Variants in AMZ2 observed in about 807,000 individuals in gnomAD.
AMZ2 encodes the protein archaelysin family metallopeptidase 2.
A neutral mutation model predicts 36.7 loss-of-function variants in AMZ2; 26 were observed. The ratio of observed to expected loss-of-function variants is 0.71; its 90% CI spans 0.52 to 0.98. The LOEUF (loss-of-function observed/expected upper bound fraction) is 0.98, where lower values mean the gene tolerates loss of function less well. Ranked by LOEUF, AMZ2 falls within the 50% of genes least tolerant of loss-of-function variation. The pLI is 0.00. For missense variants in AMZ2, 394 were observed against 430.5 expected, an observed-to-expected ratio of 0.92 and a Z score of 0.75; for synonymous variants, 144 against 149.1, an observed-to-expected ratio of 0.97 and a Z score of 0.25.
intron 1 of AMZ2, among the ~76,000 whole-genome samples, chr17:68,226,275 T>C (rs1351428773): frequency 6.6e-6 from 1 of 152,096 alleles, no homozygotes; most frequent in Non-Finnish European, 1.5e-5. Context: ...ACTATGTACA[T>C]TTGACTCTGT....
At chr17:68,245,194 C>G (rs2073975450), upstream of AMZ2, among the ~76,000 whole-genome samples, 1 of 135,246 alleles carries the variant, frequency 7.4e-6, no homozygotes, top group Non-Finnish European at 1.6e-5. Context: ...TCTTTTCCTT[C>G]TAATGTAAAA....
chr17:68,210,957 A>AG lies in AMZ2; in HGVS notation c.-67+4730dup, dbSNP rs71142141. On this transcript the variant is annotated intron_variant, in intron 1 of 7. Coordinates refer to the AMZ2 transcript ENST00000674770. ...GAGTGAGACCCTGTCTCAAAAAAAAAGGGGGGGGGGGAGGTGGTTAGAGTG... is the reference window on the plus strand; with the variant it reads ...GAGTGAGACCCTGTCTCAAAAAAAAAGGGGGGGGGGGGAGGTGGTTAGAGTG... Among the ~76,000 whole-genome samples the AG allele has an allele frequency of 3.5e-3, 418 of 117,824 alleles. 2 individuals are homozygous for AG. Among genetic ancestry groups the AG allele is most frequent in the African/African-American group, 7.2e-3 (216 of 29,824 alleles). 77.3% of individuals were successfully genotyped at this position (117,824 alleles called of 152,430 possible).
intron 1 of AMZ2, among the ~76,000 whole-genome samples, chr17:68,221,217 C>A (rs1290485067): frequency 1.1e-5 from 1 of 93,344 alleles, no homozygotes; most frequent in South Asian, 5.3e-4. Context: ...GCTCCCCCCC[C>A]CGCCCCCCCG....
At chr17:68,219,676 TA>T (rs1457450418) in intron 1 of AMZ2, among the ~76,000 whole-genome samples, 1 of 150,728 alleles carries the variant, frequency 6.6e-6, no homozygotes, top group Non-Finnish European at 1.5e-5. Context: ...GGACCACAGT[TA>T]CGCACCACCA....
At chr17:68,251,943 A>C (rs1231933470) in intron 4 of AMZ2, among the ~76,000 whole-genome samples, 1 of 152,170 alleles carries the variant, frequency 6.6e-6, no homozygotes, top group South Asian at 2.1e-4. Context: ...GATATGTAAT[A>C]AACCTTGACT....
In AMZ2 at chr17:68,226,421, T is replaced by C. The variant is rs374120913; in HGVS notation, c.-67+20183T>C. Among the ~76,000 whole-genome samples, 40 of 152,306 alleles carry C rather than the reference T, an allele frequency of 2.6e-4. No homozygotes were observed. The East Asian group carries it at 3.5e-3, about 13-fold the overall frequency. Reference sequence around the variant, plus strand: ...AGGCTGCTCTGGCAACAGGTTCTTCTCTCCTGCCCCCCAGCCCCTGCGTCT... The same window carrying C: ...AGGCTGCTCTGGCAACAGGTTCTTCCCTCCTGCCCCCCAGCCCCTGCGTCT... On this transcript the variant is annotated intron_variant, in intron 1 of 7. Coordinates refer to the AMZ2 transcript ENST00000674770.
intron 1 of AMZ2, among the ~76,000 whole-genome samples, chr17:68,226,560 A>C (rs1183671186): frequency 6.6e-6 from 1 of 152,186 alleles, no homozygotes; most frequent in Non-Finnish European, 1.5e-5. Context: ...CCTGTCAGCC[A>C]ATGGACCTAT....
chr17:68,213,876 G>A (rs1274249189), intron 1 of AMZ2, among the ~76,000 whole-genome samples: 3 of 151,578 alleles, frequency 2.0e-5, no homozygotes, highest in Non-Finnish European at 2.9e-5. Context: ...TATCTTGGTC[G>A]TCCAACCCTA....
intron 1 of AMZ2, among the ~76,000 whole-genome samples, chr17:68,211,740 G>GTATATGTATATATATGTATATGTATA (rs2073057767): frequency 8.0e-6 from 1 of 124,268 alleles, no homozygotes; most frequent in African/African-American, 3.5e-5. Context: ...GTATATATGT[G>GTATATGTATATATATGTATATGTATA]TATATGTATA....
chr17:68,224,904 G>A (rs7216982), intron 1 of AMZ2, among the ~76,000 whole-genome samples: 49,623 of 151,394 alleles, frequency 0.33, 8,648 homozygotes, highest in African/African-American at 0.45. Context: ...CAGGCTGGGC[G>A]TGGTGGCTCA....
chr17:68,248,207 G>A lies in AMZ2; in HGVS notation c.-499G>A, dbSNP rs2074149321. ...GGGGGCCGGTCGCGGTCGGTGGAGC[G>A]GGATGAGGATGTAGGAGGGGCGGAC... On this transcript the variant is annotated 5_prime_UTR_variant, in exon 1 of 7. Transcript: ENST00000359904. 2.0e-6 allele frequency: 2 copies of A among 986,268 alleles called. No individual in the cohort carries two copies. The highest frequency in any genetic ancestry group is 1.2e-6 in the Non-Finnish European group (1 of 830,554). The allele number at this position is 986,268 out of a possible 1,614,324, so 61.1% of individuals were successfully genotyped here.
Position 68,250,866 on chromosome 17 carries a change from TC to T in AMZ2, c.357del (p.Tyr120MetfsTer3). On this transcript the variant is annotated frameshift_variant, in exon 3 of 7. Coordinates refer to ENST00000359904, the MANE Select transcript of AMZ2 (RefSeq NM_016627.5). LOFTEE classifies it high-confidence loss of function. ...KWLTGYCKAY[F>X]YGLRVKLLEP... ...CTCACGGGCTACTGTAAAGCATATT[TC>T]TATGGCTTGAGAGTAAAACTCCTAG... The T allele has an allele frequency of 6.2e-7, 1 of 1,609,122 alleles. No individual in the cohort carries two copies. The highest frequency in any genetic ancestry group is 8.5e-7 in the Non-Finnish European group (1 of 1,178,734).
chr17:68,250,653 A>G (rs2074385771), intron 2 of AMZ2, 141 bp from the exon 3 acceptor site: 2 of 1,183,334 alleles, frequency 1.7e-6, no homozygotes, highest in Non-Finnish European at 2.4e-6. Flanking sequence ...TTTTTGTTTC[A>G]TAGCAACACC....
intron 1 of AMZ2, among the ~76,000 whole-genome samples, chr17:68,229,017 G>A (rs1351173322): frequency 6.6e-6 from 1 of 152,232 alleles, no homozygotes; most frequent in African/African-American, 2.4e-5. Context: ...GTGGCCAGGT[G>A]GCGAGTCCTG....
At chr17:68,210,609 C>A (rs1199777440) in intron 1 of AMZ2, among the ~76,000 whole-genome samples, 7 of 152,048 alleles carry the variant, frequency 4.6e-5, no homozygotes, top group African/African-American at 1.7e-4. Context: ...ATTGGTTGTA[C>A]AACAATGTGA....
chr17:68,223,899 T>TATA (rs36111520), intron 1 of AMZ2, among the ~76,000 whole-genome samples: 5,434 of 103,876 alleles, frequency 0.052, 330 homozygotes, highest in African/African-American at 0.22. Context: ...TATATATATA[T>TATA]TTTTTTTTGA....
chr17:68,214,047 T>C (rs880003028), intron 1 of AMZ2, among the ~76,000 whole-genome samples: 26 of 150,638 alleles, frequency 1.7e-4, no homozygotes, highest in South Asian at 1.3e-3. Flanking sequence ...TTTTTTTTTT[T>C]CTCCTCTGTG....
At chr17:68,254,368 A>G in intron 4 of AMZ2, 36 bp from the exon 5 acceptor site, 1 of 1,584,956 alleles carries the variant, frequency 6.3e-7, no homozygotes, top group Non-Finnish European at 8.6e-7. Flanking sequence ...CAGGGACCTT[A>G]CTCTCATTCT....
At chr17:68,256,748 C>T in intron 6 of AMZ2, 66 bp from the exon 7 acceptor site, 2 of 1,539,646 alleles carry the variant, frequency 1.3e-6, no homozygotes, top group Non-Finnish European at 1.8e-6. Context: ...GAAGCCAATG[C>T]TTCTCTCTTG....
Sources: allele counts gnomAD v4.1 joint callset (sites outside exome capture counted in the v4.1 genomes callset), GRCh38; gene constraint gnomAD v4.1.1; transcripts MANE v1.5; gene names NCBI Gene and HGNC (gene_info 2026-07-23, HGNC 2026-07-21).